Variants in GLS observed in about 807,000 individuals in gnomAD.
GLS encodes the protein glutaminase kidney isoform, mitochondrial.
In GLS, 36 loss-of-function variants were observed where a neutral mutation model predicts 86.7. That is an observed-to-expected ratio of 0.42 (90% CI 0.32 to 0.55). GLS has a LOEUF of 0.55. GLS is among the 20% of genes least tolerant of loss of function. The probability of loss-of-function intolerance (pLI) is 0.17; values close to 1 mark genes in which losing one functional copy is unlikely to be tolerated. For synonymous variants in GLS, 317 were observed against 305.9 expected, an observed-to-expected ratio of 1.04 and a Z score of -0.38; for missense variants, 528 against 833.4, an observed-to-expected ratio of 0.63 and a Z score of 4.51.
chr2:190,942,986 A>G (rs908287525), intron 14 of GLS, among the ~76,000 whole-genome samples: 1 of 152,160 alleles, frequency 6.6e-6, no homozygotes, highest in Middle Eastern at 3.2e-3. Flanking sequence ...GTGGGAGAAA[A>G]AGAAAAGAGT....
At chr2:190,887,603 G>T (rs1017474340) in intron 1 of GLS, among the ~76,000 whole-genome samples, 1 of 151,992 alleles carries the variant, frequency 6.6e-6, no homozygotes, top group Non-Finnish European at 1.5e-5. Context: ...ACATAGACCC[G>T]TCCTTCAATT....
In GLS at chr2:190,913,441, A is replaced by G; in HGVS notation, c.1038+3120A>G. 1 of 901,780 alleles carries G rather than the reference A, an allele frequency of 1.1e-6. No individual in the cohort carries two copies. Among genetic ancestry groups the G allele is most frequent in the South Asian group, 3.2e-5 (1 of 30,782 alleles). 55.9% of individuals were successfully genotyped at this position (901,780 alleles called of 1,614,324 possible). The stretch of plus-strand genomic sequence containing the variant: ...TTTTTAAAAATCATAAGGGTATTAT[A>G]CTTCCTCTCTTTTTCTCTGTGGTAG... On this transcript the variant is annotated intron_variant, in intron 7 of 17. Transcript: ENST00000320717. The surrounding 1 kb of genome is among the most constrained non-coding windows in gnomAD (Gnocchi z 6.1).
intron 7 of GLS, among the ~76,000 whole-genome samples, chr2:190,915,030 T>G (rs535322464): frequency 3.3e-5 from 5 of 152,226 alleles, no homozygotes; most frequent in African/African-American, 1.2e-4. Context: ...TTACTTTTTT[T>G]TTTTGAGACG....
In GLS at chr2:190,964,058, G is replaced by A. The variant is rs1345819540; in HGVS notation, c.*1072G>A. Reference sequence around the variant, plus strand: ...ATCAAGAGATTTGTCCTCCTTGGGGGACCACTGGATCATTCCAGATTTCTT... The same window carrying A: ...ATCAAGAGATTTGTCCTCCTTGGGGAACCACTGGATCATTCCAGATTTCTT... On this transcript the variant is annotated 3_prime_UTR_variant, in exon 18 of 18. Transcript: ENST00000320717. This position sits in a 1 kb window ranked among gnomAD's most constrained non-coding sequence, Gnocchi z 5.2. 6.6e-6 allele frequency: 1 copy of A among 151,954 alleles called. No homozygotes were observed. The highest frequency in any genetic ancestry group is 1.5e-5 in the Non-Finnish European group (1 of 67,976). 9.4% of individuals were successfully genotyped at this position (151,954 alleles called of 1,614,324 possible).
chr2:190,881,147 G>A lies in GLS; in HGVS notation c.63G>A (p.Val21=), dbSNP rs1428368739. Residue 21 remains valine (V), a synonymous_variant, in exon 1 of 18, where the codon GTG becomes GTA. Coordinates refer to ENST00000320717, the MANE Select transcript of GLS (RefSeq NM_014905.5). ...RDLLLRSPAG[V]SATLRRAQPL... is the part of the protein sequence containing the mutation. Reference sequence around the variant, plus strand: ...TGCTCCTGCGGTCGCCCGCCGGCGTGAGCGCGACTCTGCGGCGGGCACAGC... The same window carrying A: ...TGCTCCTGCGGTCGCCCGCCGGCGTAAGCGCGACTCTGCGGCGGGCACAGC... 1 of 1,557,552 alleles carries A rather than the reference G, an allele frequency of 6.4e-7. No homozygotes were observed. The highest frequency in any genetic ancestry group is 1.4e-5 in the African/African-American group (1 of 73,326).
rs1690779369 is a variant in GLS at position 190,953,698 on chromosome 2, T to C, written c.1712+72T>C. On this transcript the variant is annotated intron_variant, in intron 15 of 17. Transcript: ENST00000320717. The surrounding 1 kb of genome is among the most constrained non-coding windows in gnomAD (Gnocchi z 4.0). ...AGTTGCTTCTGGGCGAGCAGCCATT[T>C]TAAGGTTAAAGTCTCACTTTTCTTT... 2 of 1,069,078 alleles carry C rather than the reference T, an allele frequency of 1.9e-6. No individual in the cohort carries two copies. The highest frequency in any genetic ancestry group is 2.9e-6 in the Non-Finnish European group (2 of 700,430). The allele number at this position is 1,069,078 out of a possible 1,614,324, so 66.2% of individuals were successfully genotyped here.
intron 14 of GLS, among the ~76,000 whole-genome samples, chr2:190,937,857 T>G (rs1278605869): frequency 7.4e-5 from 11 of 148,450 alleles, no homozygotes; most frequent in African/African-American, 2.7e-4. Flanking sequence ...TTTTTTTTTT[T>G]GTAAATTTCA....
intron 5 of GLS, among the ~76,000 whole-genome samples, chr2:190,904,144 CT>C (rs1174255955): frequency 2.3e-4 from 33 of 144,324 alleles, no homozygotes; most frequent in Middle Eastern, 3.6e-3. Context: ...AAACTGGATG[CT>C]TTTTTTTTTA....
chr2:190,898,709 G>A (rs1290257200), intron 3 of GLS, among the ~76,000 whole-genome samples: 6 of 152,106 alleles, frequency 3.9e-5, no homozygotes, highest in Admixed American at 2.0e-4. Context: ...TTGGCTCACC[G>A]CAACCTCCGC....
At chr2:190,934,664 TTTA>T (rs1690215375) in intron 14 of GLS, 2 of 980,872 alleles carry the variant, frequency 2.0e-6, no homozygotes, top group Non-Finnish European at 1.2e-6. Flanking sequence ...TTGGTTTTAC[TTTA>T]TTAAATGAAG....
intron 1 of GLS, among the ~76,000 whole-genome samples, chr2:190,887,818 T>C (rs1219672252): frequency 6.6e-6 from 1 of 152,178 alleles, no homozygotes; most frequent in Non-Finnish European, 1.5e-5. Flanking sequence ...GTTAAGTAAA[T>C]TGTGGTACAT....
intron 17 of GLS, among the ~76,000 whole-genome samples, chr2:190,958,793 T>C (rs1349808796): frequency 6.6e-6 from 1 of 152,170 alleles, no homozygotes; most frequent in Non-Finnish European, 1.5e-5. Context: ...ACTGTTATGA[T>C]TTTTGTTCTT....
intron 1 of GLS, among the ~76,000 whole-genome samples, chr2:190,894,029 T>G (rs1688648082): frequency 6.6e-6 from 1 of 152,254 alleles, no homozygotes; most frequent in Non-Finnish European, 1.5e-5. Context: ...AAAAGTTTGG[T>G]TAATCATAGC....
chr2:190,937,401 C>CT (rs1331431181), intron 14 of GLS, among the ~76,000 whole-genome samples: 20 of 151,258 alleles, frequency 1.3e-4, no homozygotes, highest in African/African-American at 2.4e-5. Flanking sequence ...GAAAACTACT[C>CT]TAAGAGGATC....
At position 190,895,626 on chromosome 2, in the gene GLS, G is replaced by A. The variant is rs773887348; in HGVS notation, c.506G>A (p.Arg169Gln). The part of the protein sequence containing the change: ...FITALKSTGL[R>Q]TSDPRLKECM... ...CAGGCACTCAAATCTACAGGATTGC[G>A]AACGTCTGATCCCAGGTTGAAAGAG... Residue 169 changes from arginine to glutamine, a missense_variant, in exon 3 of 18, where the codon CGA becomes CAA. Coordinates refer to ENST00000320717, the MANE Select transcript of GLS (RefSeq NM_014905.5). This position sits in a 1 kb window ranked among gnomAD's most constrained non-coding sequence, Gnocchi z 4.2. 7.5e-6 allele frequency: 12 copies of A among 1,602,518 alleles called. No individual in the cohort carries two copies. The highest frequency in any genetic ancestry group is 4.5e-5 in the South Asian group (4 of 89,806).
Position 190,953,466 on chromosome 2 carries a change from G to A in GLS, c.1651-99G>A. ...ATCACTTTTTGCACGTGACTCAGCT[G>A]AAGTGTTCAAAGCACATGGAAATCA... On this transcript the variant is annotated intron_variant, in intron 14 of 17. Transcript: ENST00000320717. This position sits in a 1 kb window ranked among gnomAD's most constrained non-coding sequence, Gnocchi z 4.0. 1 of 817,328 alleles carries A rather than the reference G, an allele frequency of 1.2e-6. No individual in the cohort carries two copies. The allele number at this position is 817,328 out of a possible 1,614,324, so 50.6% of individuals were successfully genotyped here. A position where few individuals can be genotyped will look rare whatever the true frequency, so the allele number is the denominator to read the frequency against.
At chr2:190,915,179 T>G (rs1450234715) in intron 7 of GLS, among the ~76,000 whole-genome samples, 4 of 151,438 alleles carry the variant, frequency 2.6e-5, no homozygotes, top group Non-Finnish European at 5.9e-5. Context: ...TTTTTGTATT[T>G]TTAGTAGAGA....
chr2:190,883,343 G>A (rs936930830), intron 1 of GLS, among the ~76,000 whole-genome samples: 1 of 152,146 alleles, frequency 6.6e-6, no homozygotes, highest in East Asian at 1.9e-4. Flanking sequence ...TATCCTGGGA[G>A]GTAAGCTCCC....
chr2:190,953,100 C>G lies in GLS; in HGVS notation c.1651-465C>G, dbSNP rs1553488908. On this transcript the variant is annotated intron_variant, in intron 14 of 17. Transcript: ENST00000320717. The surrounding 1 kb of genome is among the most constrained non-coding windows in gnomAD (Gnocchi z 4.0). ...TGACAGTTAACACTGAATGTTCTCT[C>G]TTAAGATTTGCAAAGAAGCCAGTGA... Among the ~76,000 whole-genome samples the G allele has an allele frequency of 1.3e-5, 2 of 152,196 alleles. No homozygotes were observed. Among genetic ancestry groups the G allele is most frequent in the Non-Finnish European group, 2.9e-5 (2 of 68,028 alleles).
Sources: allele counts gnomAD v4.1 joint callset (sites outside exome capture counted in the v4.1 genomes callset), GRCh38; gene constraint gnomAD v4.1.1; non-coding constraint Gnocchi (gnomAD v3.1); transcripts MANE v1.5; gene names NCBI Gene and HGNC (gene_info 2026-07-23, HGNC 2026-07-21).